Variants in SAXO2 observed in about 807,000 individuals in gnomAD.
The protein encoded by SAXO2 is family with sequence similarity 154, member B.
SAXO2 carries 17 observed loss-of-function variants against 18.7 expected under a neutral mutation model. The observed-to-expected ratio is 0.91, with a 90% CI of 0.62 to 1.36. The LOEUF is 1.36. Ranked by LOEUF, SAXO2 falls within the 40% of genes most tolerant of loss-of-function variation. The probability of loss-of-function intolerance (pLI) is 0.00; values close to 1 mark genes in which losing one functional copy is unlikely to be tolerated. For synonymous variants in SAXO2, 163 were observed against 181.2 expected (o/e 0.90, Z 0.81); for missense variants, 486 against 562.6 (o/e 0.86, Z 1.38).
At chr15:82,267,925 T>C (rs2075234910) in intron 2 of SAXO2, among the ~76,000 whole-genome samples, 1 of 152,242 alleles carries the variant, frequency 6.6e-6, no homozygotes, top group Admixed American at 6.5e-5. Flanking sequence ...GTGGTGATTC[T>C]GTTGCCACTG....
rs149761671 is a variant in SAXO2, at chr15:82,282,190, G to A, written c.505G>A (p.Val169Met). ...AGAACAAACTTACCACCCGCCTACT[G>A]TGAAATTTGGAAATTCAACTACATT... ...KPEQTYHPPTVKFGNSTTFQD... is the reference protein window; with the variant it reads ...KPEQTYHPPTMKFGNSTTFQD... Residue 169 changes from valine (V) to methionine (M), a missense_variant, in exon 4 of 4, where the codon GTG becomes ATG. Coordinates refer to ENST00000682753, the MANE Select transcript of SAXO2 (RefSeq NM_001348699.2). The A allele has an allele frequency of 1.2e-6, 2 of 1,614,012 alleles. No individual in the cohort carries two copies. The highest frequency in any genetic ancestry group is 1.7e-5 in the Admixed American group (1 of 60,000).
At position 82,264,929 on chromosome 15, in the gene SAXO2, A is replaced by C. The variant is rs147681230; in HGVS notation, c.54-640A>C. The C allele has an allele frequency of 6.1e-4, 353 of 581,384 alleles. 1 individual carries two copies. The African/African-American group carries it at 6.2e-3, about 10-fold the overall frequency. The allele number at this position is 581,384 out of a possible 1,614,324, so 36.0% of individuals were successfully genotyped here. On this transcript the variant is annotated intron_variant, in intron 1 of 3. Transcript: ENST00000682753. ...TCTTCTGAATCAAAGTATCATGTGAATACACATAGTAGGTGAAACCTAAAT... is the reference window on the plus strand; with the variant it reads ...TCTTCTGAATCAAAGTATCATGTGACTACACATAGTAGGTGAAACCTAAAT...
intron 3 of SAXO2, among the ~76,000 whole-genome samples, chr15:82,277,664 C>T (rs2075327071): frequency 6.6e-6 from 1 of 152,176 alleles, no homozygotes; most frequent in South Asian, 2.1e-4. Flanking sequence ...AAGCTGAGAT[C>T]ACAGGTTAAC....
At chr15:82,277,216 G>T (rs2075322880) in intron 3 of SAXO2, among the ~76,000 whole-genome samples, 1 of 152,106 alleles carries the variant, frequency 6.6e-6, no homozygotes, top group South Asian at 2.1e-4. Flanking sequence ...GAAATAAGGG[G>T]TATGGGAACA....
rs929359408 is a variant in SAXO2, at chr15:82,265,701, A to G, written c.186A>G (p.Gln62=). The change falls in exon 2 of 4, where the codon CAA becomes CAG. Residue 62 remains glutamine (Q), a synonymous_variant. Transcript: ENST00000682753. ...VLPPQSLKAK[Q]EIRACHGKME... ...CACCTCAGAGTCTTAAAGCCAAGCA[A>G]GAAATTCGAGCATGCCATGGTAAAA... The G allele has an allele frequency of 1.8e-5, 28 of 1,530,446 alleles. No individual in the cohort carries two copies. The African/African-American group carries it at 3.6e-4, about 20-fold the overall frequency. 94.8% of individuals were successfully genotyped at this position (1,530,446 alleles called of 1,614,324 possible).
At position 82,271,758 on chromosome 15, in the gene SAXO2, G is replaced by A; in HGVS notation, c.389G>A (p.Arg130Lys). Residue 130 changes from arginine (R) to lysine (K), a missense_variant, in exon 3 of 4, where the codon AGA becomes AAA. Arg to Lys is a conservative substitution (Grantham distance 26). Transcript: ENST00000682753. ...QPVAIVRPLE[R>K]QVKKGKLDTV... ...GTGGCAATAGTCCGGCCTTTGGAGA[G>A]ACAAGTTAAAAAAGGAAAATTGGAC... The A allele has an allele frequency of 6.2e-7, 1 of 1,614,048 alleles. No individual in the cohort carries two copies. Among genetic ancestry groups the A allele is most frequent in the African/African-American group, 1.3e-5 (1 of 75,048 alleles).
At chr15:82,263,135 G>A in intron 1 of SAXO2, 1 of 1,467,112 alleles carries the variant, frequency 6.8e-7, no homozygotes, top group South Asian at 1.4e-5. Flanking sequence ...ACGTTTGTTC[G>A]TAGCCCCTGA....
rs754510553 is a variant in SAXO2, at chr15:82,282,169, CA to C, written c.487del (p.Thr163LeufsTer7). 10 of 1,613,756 alleles carry C rather than the reference CA, an allele frequency of 6.2e-6. No homozygotes were observed. The South Asian group carries it at 1.1e-4, about 18-fold the overall frequency. ...LHKSELYKPE[Q>X]TYHPPTVKFG... ...TAAAAGTGAACTTTATAAGCCAGAACAAACTTACCACCCGCCTACTGTGAAA... is the reference window on the plus strand; with the variant it reads ...TAAAAGTGAACTTTATAAGCCAGAACAACTTACCACCCGCCTACTGTGAAA... On this transcript the variant is annotated frameshift_variant, in exon 4 of 4. Coordinates refer to ENST00000682753, the MANE Select transcript of SAXO2 (RefSeq NM_001348699.2). LOFTEE classifies it low-confidence loss of function (END_TRUNC).
intron 3 of SAXO2, among the ~76,000 whole-genome samples, chr15:82,279,672 G>A (rs1421492253): frequency 2.0e-5 from 3 of 152,176 alleles, no homozygotes; most frequent in Non-Finnish European, 2.9e-5. Context: ...AGCTGAGGCC[G>A]AGGATGATGT....
At chr15:82,266,965 C>T (rs1327993105) in intron 2 of SAXO2, among the ~76,000 whole-genome samples, 1 of 152,110 alleles carries the variant, frequency 6.6e-6, no homozygotes, top group African/African-American at 2.4e-5. Context: ...GTATTTTTGT[C>T]AGGTGGATTA....
At chr15:82,265,997 C>G (rs2075213978) in intron 2 of SAXO2, among the ~76,000 whole-genome samples, 1 of 151,328 alleles carries the variant, frequency 6.6e-6, no homozygotes, top group South Asian at 2.1e-4. Flanking sequence ...CTTAAAATAT[C>G]TCATATTTAT....
intron 3 of SAXO2, among the ~76,000 whole-genome samples, chr15:82,277,885 C>T (rs1231333536): frequency 1.3e-5 from 2 of 152,088 alleles, no homozygotes; most frequent in African/African-American, 4.8e-5. Flanking sequence ...AGGGAGAGTT[C>T]AAAACCACTC....
chr15:82,276,403 A>G (rs944531039), intron 3 of SAXO2, among the ~76,000 whole-genome samples: 12 of 152,338 alleles, frequency 7.9e-5, no homozygotes, highest in Admixed American at 2.0e-4. Flanking sequence ...AGCCAAGGCA[A>G]TCCTAAACAA....
chr15:82,263,419 T>G (rs2075162408), intron 1 of SAXO2: 2 of 709,294 alleles, frequency 2.8e-6, no homozygotes, highest in African/African-American at 1.7e-5. Flanking sequence ...TTCTTTGGGA[T>G]CCGCCTGACT....
chr15:82,268,159 C>T (rs1567088773), intron 2 of SAXO2, among the ~76,000 whole-genome samples: 1 of 152,054 alleles, frequency 6.6e-6, no homozygotes, highest in African/African-American at 2.4e-5. Context: ...TTTTTCTTCA[C>T]TTTAATTTAT....
At chr15:82,274,803 A>G (rs2075300779) in intron 3 of SAXO2, among the ~76,000 whole-genome samples, 1 of 152,008 alleles carries the variant, frequency 6.6e-6, no homozygotes. Flanking sequence ...AAAGTTTATA[A>G]TGCTAAATGC....
rs566732180 is a variant in SAXO2, at chr15:82,272,528, TTTG to T, written c.433+741_433+743del. The stretch of plus-strand genomic sequence containing the variant: ...GCTTTTCTTTCCAAAAACCTGTTTT[TTTG>T]TTGTTGTTGTTGTTTTTGGGTTTTT... On this transcript the variant is annotated intron_variant, in intron 3 of 3. Transcript: ENST00000682753. Among the ~76,000 whole-genome samples, 469 of 152,166 alleles carry T rather than the reference TTTG, an allele frequency of 3.1e-3. 1 individual carries two copies. Among genetic ancestry groups the T allele is most frequent in the South Asian group, 0.017 (84 of 4,816 alleles).
chr15:82,284,624 C>T lies in SAXO2; in HGVS notation c.*1562C>T, dbSNP rs1458543385. The T allele has an allele frequency of 6.6e-6, 1 of 152,120 alleles. No homozygotes were observed. The highest frequency in any genetic ancestry group is 1.5e-5 in the Non-Finnish European group (1 of 68,036). The allele number at this position is 152,120 out of a possible 1,614,324, so 9.4% of individuals were successfully genotyped here. A position where few individuals can be genotyped will look rare whatever the true frequency, so the allele number is the denominator to read the frequency against. ...TGCCAGTAAGTATAGTAGAAACACT[C>T]TATTGCATTTATAAATGCTAAAAAT... On this transcript the variant is annotated 3_prime_UTR_variant, in exon 4 of 4. Coordinates refer to ENST00000682753, the MANE Select transcript of SAXO2 (RefSeq NM_001348699.2).
At chr15:82,275,477 AAAAAG>A (rs2075307478) in intron 3 of SAXO2, among the ~76,000 whole-genome samples, 1 of 152,054 alleles carries the variant, frequency 6.6e-6, no homozygotes, top group African/African-American at 2.4e-5. Flanking sequence ...ACACAAAAAG[AAAAAG>A]AAAACTACAG....
Sources: allele counts gnomAD v4.1 joint callset (sites outside exome capture counted in the v4.1 genomes callset), GRCh38; gene constraint gnomAD v4.1.1; transcripts MANE v1.5; gene names NCBI Gene and HGNC (gene_info 2026-07-23, HGNC 2026-07-21).